The following PPM1H variants were observed in gnomAD, a reference collection of about 807,000 sequenced individuals.
PPM1H encodes the protein protein phosphatase, Mg2+/Mn2+ dependent 1H, also known as protein phosphatase 1H.
PPM1H carries 27 observed loss-of-function variants against 54.9 expected under a neutral mutation model. The ratio of observed to expected loss-of-function variants is 0.49; its 90% confidence interval spans 0.36 to 0.68. PPM1H has a LOEUF of 0.68. PPM1H is among the 30% of genes least tolerant of loss of function. PPM1H has a pLI of 0.00. For missense variants in PPM1H, 596 were observed against 667.8 expected, an observed-to-expected ratio of 0.89 and a Z score of 1.19; for synonymous variants, 305 against 270.8, an observed-to-expected ratio of 1.13 and a Z score of -1.24.
intron 1 of PPM1H, among the ~76,000 whole-genome samples, chr12:62,887,814 A>G (rs191456316): frequency 6.6e-6 from 1 of 152,322 alleles, no homozygotes; most frequent in East Asian, 1.9e-4. Context: ...ACAAGGAGGT[A>G]CCCACTGGCA....
intron 1 of PPM1H, among the ~76,000 whole-genome samples, chr12:62,927,554 C>A (rs1872009075): frequency 6.6e-6 from 1 of 151,072 alleles, no homozygotes; most frequent in Non-Finnish European, 1.5e-5. Flanking sequence ...CCCAGCTTCT[C>A]AGGAGGCTGA....
intron 1 of PPM1H, among the ~76,000 whole-genome samples, chr12:62,890,835 C>T (rs919564239): frequency 7.9e-5 from 12 of 151,632 alleles, no homozygotes; most frequent in East Asian, 1.9e-4. Flanking sequence ...GAAGGCCAGG[C>T]GTGGTGACTC....
intron 4 of PPM1H, among the ~76,000 whole-genome samples, chr12:62,786,329 G>A (rs1465445900): frequency 6.6e-6 from 1 of 152,230 alleles, no homozygotes; most frequent in East Asian, 1.9e-4. Flanking sequence ...AAACCCTGAG[G>A]CGGGAGAGGA....
At chr12:62,733,525 A>G (rs561131078) in intron 5 of PPM1H, among the ~76,000 whole-genome samples, 1 of 152,246 alleles carries the variant, frequency 6.6e-6, no homozygotes, top group African/African-American at 2.4e-5. Context: ...TCAAAGTGCT[A>G]GGATTACAGG....
intron 6 of PPM1H, among the ~76,000 whole-genome samples, chr12:62,711,735 A>C (rs1419486811): frequency 2.0e-5 from 3 of 152,178 alleles, no homozygotes; most frequent in Non-Finnish European, 4.4e-5. Context: ...TTAGGACAAT[A>C]AACTTTTACT....
intron 2 of PPM1H, among the ~76,000 whole-genome samples, chr12:62,829,695 A>G (rs1868329902): frequency 6.6e-6 from 1 of 152,204 alleles, no homozygotes; most frequent in Admixed American, 6.5e-5. Context: ...GGGAACCACC[A>G]CAGGGGAGGG....
intron 1 of PPM1H, among the ~76,000 whole-genome samples, chr12:62,917,184 T>C (rs939462750): frequency 6.6e-6 from 1 of 152,234 alleles, no homozygotes; most frequent in Non-Finnish European, 1.5e-5. Flanking sequence ...CACGTATAAG[T>C]ACAAAGTATT....
chr12:62,905,872 T>C (rs150465817), intron 1 of PPM1H, among the ~76,000 whole-genome samples: 138 of 152,260 alleles, frequency 9.1e-4, no homozygotes, highest in African/African-American at 3.1e-3. Context: ...TTCCATATGA[T>C]GATGCAAAGA....
chr12:62,674,153 T>A (rs900539496), intron 8 of PPM1H, among the ~76,000 whole-genome samples: 4 of 152,220 alleles, frequency 2.6e-5, no homozygotes, highest in Non-Finnish European at 2.9e-5. Flanking sequence ...ACTGCCAATT[T>A]TAATTCTTTT....
At position 62,899,162 on chromosome 12, in the gene PPM1H, C is replaced by T. The variant is rs190915053; in HGVS notation, c.245+35330G>A. 1.2e-3 allele frequency among the ~76,000 whole-genome samples: 178 copies of T among 152,276 alleles called. 1 individual carries two copies. Among genetic ancestry groups the T allele is most frequent in the African/African-American group, 4.2e-3 (175 of 41,556 alleles). On this transcript the variant is annotated intron_variant, in intron 1 of 9. Transcript: ENST00000228705. ...AGCATAATGGTATCACAAAAGACTA[C>T]TTTTTCCCTTAAAACTCCTAGGTGC...
At chr12:62,664,078 G>T (rs1023420685) in intron 9 of PPM1H, among the ~76,000 whole-genome samples, 1 of 24,428 alleles carries the variant, frequency 4.1e-5, no homozygotes, top group Non-Finnish European at 8.0e-5. Context: ...AGCCCTTAGG[G>T]CCTCACTCAG....
rs541732447 is a variant in PPM1H, at chr12:62,906,011, T to G, written c.245+28481A>C. On this transcript the variant is annotated intron_variant, in intron 1 of 9. Transcript: ENST00000228705. ...CTAGAACTTGTGTGGAAAGTATAAC[T>G]CCAAAATCTTACTGCTGTAACAAAT... is the stretch of plus-strand genomic sequence containing the variant. 2.2e-4 allele frequency among the ~76,000 whole-genome samples: 33 copies of G among 152,242 alleles called. 1 individual carries two copies. Among genetic ancestry groups the G allele is most frequent in the African/African-American group, 7.7e-4 (32 of 41,550 alleles).
chr12:62,918,544 T>C lies in PPM1H; in HGVS notation c.245+15948A>G, dbSNP rs999972283. On this transcript the variant is annotated intron_variant, in intron 1 of 9. Coordinates refer to ENST00000228705, the MANE Select transcript of PPM1H (RefSeq NM_020700.2). Reference sequence around the variant, plus strand: ...CCCAAAACAATTTTCAATCTAAACATTGATCTTTTCTAACTATTAAATAAT... The same window carrying C: ...CCCAAAACAATTTTCAATCTAAACACTGATCTTTTCTAACTATTAAATAAT... Among the ~76,000 whole-genome samples the C allele has an allele frequency of 3.9e-5, 6 of 152,290 alleles. No homozygotes were observed. The South Asian group carries it at 1.0e-3, about 26-fold the overall frequency.
intron 8 of PPM1H, 68 bp from the exon 9 acceptor site, chr12:62,667,397 T>C (rs975774987): frequency 5.2e-6 from 7 of 1,336,884 alleles, no homozygotes; most frequent in East Asian, 2.5e-5. Flanking sequence ...ACAAACTGAC[T>C]TCTGATTCCC....
intron 1 of PPM1H, among the ~76,000 whole-genome samples, chr12:62,907,390 G>A (rs1409160044): frequency 6.6e-6 from 1 of 152,136 alleles, no homozygotes; most frequent in Non-Finnish European, 1.5e-5. Flanking sequence ...AATTGCACAA[G>A]GACATCAGTG....
chr12:62,803,927 A>T (rs1308854712), intron 2 of PPM1H, among the ~76,000 whole-genome samples: 10 of 152,218 alleles, frequency 6.6e-5, no homozygotes. Context: ...ATCAAAGATG[A>T]CATAAAATAA....
chr12:62,802,494 G>T (rs1426887348), intron 2 of PPM1H, among the ~76,000 whole-genome samples: 1 of 151,718 alleles, frequency 6.6e-6, no homozygotes, highest in Non-Finnish European at 1.5e-5. Context: ...AAGTGTAGGT[G>T]TTTGCATAAA....
chr12:62,773,096 C>T (rs2076589092), intron 4 of PPM1H, among the ~76,000 whole-genome samples: 1 of 152,086 alleles, frequency 6.6e-6, no homozygotes, highest in Non-Finnish European at 1.5e-5. Flanking sequence ...GGTAGTGAGC[C>T]GAGATGGTGC....
At chr12:62,923,013 A>G (rs962475284) in intron 1 of PPM1H, among the ~76,000 whole-genome samples, 8 of 152,246 alleles carry the variant, frequency 5.3e-5, no homozygotes, top group African/African-American at 1.9e-4. Flanking sequence ...GTGGATGCTA[A>G]GTTATGGGAA....
Sources: gnomAD v4.1 joint callset for allele counts (sites outside exome capture counted in the v4.1 genomes callset) on GRCh38, gnomAD v4.1.1 for gene constraint, MANE v1.5 for transcripts, NCBI Gene and HGNC (gene_info 2026-07-23, HGNC 2026-07-21) for gene names.